CEP120: variants seen among roughly 807,000 people sequenced by gnomAD.
CEP120 encodes centrosomal protein of 120 kDa.
CEP120 carries 113 observed loss-of-function variants against 126.5 expected under a neutral mutation model. That is an observed-to-expected ratio of 0.89 (90% CI 0.77 to 1.04). CEP120 has a LOEUF of 1.04. Among genes scored for constraint, CEP120 ranks in the 50% least tolerant of loss-of-function variants. The probability of loss-of-function intolerance (pLI) is 0.00; values close to 1 mark genes in which losing one functional copy is unlikely to be tolerated. For missense variants in CEP120, 1,230 were observed against 1,155.7 expected, an observed-to-expected ratio of 1.06 and a Z score of -0.93; for synonymous variants, 400 against 394.3, an observed-to-expected ratio of 1.01 and a Z score of -0.17.
intron 3 of CEP120, among the ~76,000 whole-genome samples, chr5:123,413,006 C>T (rs991544871): frequency 2.6e-5 from 4 of 152,136 alleles, no homozygotes; most frequent in Admixed American, 1.3e-4. Flanking sequence ...GTGGCTCATG[C>T]CTGTAATCCC....
chr5:123,418,589 T>G (rs1774517822), intron 1 of CEP120, 74 bp from the exon 2 acceptor site: 5 of 1,336,916 alleles, frequency 3.7e-6, no homozygotes, highest in Non-Finnish European at 5.0e-6. Flanking sequence ...TGTGTTTTTT[T>G]GTTTGGCTGG....
chr5:123,414,971 CAAAAAAAAAAAAAAAAA>C (rs56756568), intron 3 of CEP120, among the ~76,000 whole-genome samples: 2 of 40,636 alleles, frequency 4.9e-5, no homozygotes, highest in Non-Finnish European at 7.8e-5. Flanking sequence ...GACTCCATCT[CAAAAAAAAAAAAAAAAA>C]AAAAAAAAAA....
chr5:123,363,889 C>A lies in CEP120; in HGVS notation c.2580+607G>T, dbSNP rs528372223. Among the ~76,000 whole-genome samples, 119 of 151,272 alleles carry A rather than the reference C, an allele frequency of 7.9e-4. 1 individual carries two copies. The highest frequency in any genetic ancestry group is 2.5e-4 in the Non-Finnish European group (17 of 67,542). On this transcript the variant is annotated intron_variant, in intron 18 of 19. Transcript: ENST00000306467. ...GATTTAGGTCAGTTAGGGTTAGATT[C>A]AAAATAAAAATCTTATTCATAATTT...
At position 123,406,588 on chromosome 5, in the gene CEP120, A is replaced by AG. The variant is rs1386618771; in HGVS notation, c.463+5810_463+5811insC. ...GAGTGAAGTATTTACAATGTTGAGA[A>AG]AAAAAAAAAAAACCACCACCCTAGA... is the stretch of plus-strand genomic sequence containing the variant. On this transcript the variant is annotated intron_variant, in intron 4 of 19. Coordinates refer to ENST00000306467, the MANE Select transcript of CEP120 (RefSeq NM_001375405.1). Among the ~76,000 whole-genome samples the AG allele has an allele frequency of 3.0e-5, 4 of 133,032 alleles. No homozygotes were observed. The East Asian group carries it at 9.6e-4, about 32-fold the overall frequency. 87.3% of individuals were successfully genotyped at this position (133,032 alleles called of 152,430 possible).
intron 16 of CEP120, 26 bp from the exon 17 acceptor site, chr5:123,372,798 T>C: frequency 6.4e-7 from 1 of 1,554,414 alleles, no homozygotes. Context: ...TTTAGCCATT[T>C]CAAAACAATG....
intron 4 of CEP120, among the ~76,000 whole-genome samples, chr5:123,408,913 A>C (rs1308692804): frequency 6.6e-6 from 1 of 152,228 alleles, no homozygotes; most frequent in Non-Finnish European, 1.5e-5. Context: ...TCAGTGTATA[A>C]AAAGAATAAT....
At chr5:123,377,920 C>T (rs1303675059) in intron 15 of CEP120, among the ~76,000 whole-genome samples, 2 of 152,104 alleles carry the variant, frequency 1.3e-5, no homozygotes, top group Non-Finnish European at 2.9e-5. Flanking sequence ...CAAATCTACA[C>T]TATTAAGTTT....
At chr5:123,350,205 G>A in intron 18 of CEP120, 116 bp from the exon 19 acceptor site, 2 of 870,390 alleles carry the variant, frequency 2.3e-6, no homozygotes, top group East Asian at 2.8e-5. Context: ...GCCACACACT[G>A]CCAATTCTTT....
intron 4 of CEP120, among the ~76,000 whole-genome samples, chr5:123,404,225 AT>A (rs923317459): frequency 5.9e-5 from 9 of 152,216 alleles, no homozygotes; most frequent in Admixed American, 4.6e-4. Flanking sequence ...AATTCTTAAA[AT>A]TTTTTTTCAC....
intron 17 of CEP120, among the ~76,000 whole-genome samples, chr5:123,372,024 G>A (rs1270914709): frequency 6.6e-6 from 1 of 152,044 alleles, no homozygotes; most frequent in Non-Finnish European, 1.5e-5. Context: ...CCTAGCACCT[G>A]AACATTGTTT....
Position 123,391,218 on chromosome 5 carries a change from G to A in CEP120, c.930C>T (p.Thr310=). The part of the protein sequence containing the change: ...QHPVTVEGAF[T]LDPPNRAKQK... The stretch of plus-strand genomic sequence containing the variant: ...GTTTGGCTCTGTTTGGAGGGTCAAG[G>A]GTAAAAGCACCTTCGACTGTGACTG... The change falls in exon 7 of 20, where the codon ACC becomes ACT. Residue 310 remains threonine (T), a synonymous_variant. Transcript: ENST00000306467. 1 of 1,614,102 alleles carries A rather than the reference G, an allele frequency of 6.2e-7. No individual in the cohort carries two copies. The highest frequency in any genetic ancestry group is 1.1e-5 in the South Asian group (1 of 91,064).
intron 5 of CEP120, among the ~76,000 whole-genome samples, chr5:123,397,703 T>G (rs1383991711): frequency 6.6e-6 from 1 of 152,250 alleles, no homozygotes; most frequent in Non-Finnish European, 1.5e-5. Flanking sequence ...CTTTACCTGA[T>G]GTACCTTGCA....
Position 123,382,780 on chromosome 5 carries a change from A to G in CEP120, c.1970T>C (p.Leu657Pro). 6.2e-7 allele frequency: 1 copy of G among 1,613,268 alleles called. No individual in the cohort carries two copies. The highest frequency in any genetic ancestry group is 8.5e-7 in the Non-Finnish European group (1 of 1,179,608). ...TTCTTGCATCTCCTTCCACATTTCT[A>G]GCTCAAGTGCTGCTTTGTATTCTAA... ...ETLEYKAALE[L>P]EMWKEMQEDI... Residue 657 changes from leucine (L) to proline (P), a missense_variant, in exon 13 of 20, where the codon CTA becomes CCA. Coordinates refer to ENST00000306467, the MANE Select transcript of CEP120 (RefSeq NM_001375405.1).
In CEP120 at chr5:123,423,348, T is replaced by C. The variant is rs1176896641; in HGVS notation, c.-350A>G. On this transcript the variant is annotated 5_prime_UTR_variant, in exon 1 of 20. Coordinates refer to ENST00000306467, the MANE Select transcript of CEP120 (RefSeq NM_001375405.1). ...CGCAGCGGCCGCCGCCGCGCCCAGCTTCCGCCTAGCAACCAGGCCCGCAGG... is the reference window on the plus strand; with the variant it reads ...CGCAGCGGCCGCCGCCGCGCCCAGCCTCCGCCTAGCAACCAGGCCCGCAGG... 2.9e-6 allele frequency: 1 copy of C among 341,222 alleles called. No homozygotes were observed. The highest frequency in any genetic ancestry group is 2.2e-5 in the African/African-American group (1 of 45,010). 21.1% of individuals were successfully genotyped at this position (341,222 alleles called of 1,614,324 possible). A position where few individuals can be genotyped will look rare whatever the true frequency, so the allele number is the denominator to read the frequency against.
chr5:123,399,083 T>C, intron 5 of CEP120, 53 bp downstream of exon 5: 1 of 1,384,534 alleles, frequency 7.2e-7, no homozygotes, highest in Non-Finnish European at 9.6e-7. Flanking sequence ...GGTAAAATGT[T>C]TTACATAGTT....
At chr5:123,360,522 G>A (rs1003621403) in intron 18 of CEP120, among the ~76,000 whole-genome samples, 1 of 151,808 alleles carries the variant, frequency 6.6e-6, no homozygotes, top group African/African-American at 2.4e-5. Flanking sequence ...CTTTCATGGA[G>A]TATAAGTTTC....
In CEP120 at chr5:123,418,527, G is replaced by A. The variant is rs755652817; in HGVS notation, c.50-12C>T. On this transcript the variant is annotated splice_polypyrimidine_tract_variant and intron_variant, in intron 1 of 19. Coordinates refer to ENST00000306467, the MANE Select transcript of CEP120 (RefSeq NM_001375405.1). ...GGGGAAATGCCGACCTGGAGAAACA[G>A]AATATATAGATTAATCAAAAGTGTA... 15 of 1,572,592 alleles carry A rather than the reference G, an allele frequency of 9.5e-6. No homozygotes were observed. In the Admixed American group the frequency reaches 1.8e-4, roughly 19 times the overall value.
chr5:123,406,052 C>T (rs11948639), intron 4 of CEP120, among the ~76,000 whole-genome samples: 60,537 of 151,686 alleles, frequency 0.4, 12,204 homozygotes, highest in East Asian at 0.47. Flanking sequence ...AATACTAAAA[C>T]AGAAATGAAT....
chr5:123,394,742 T>A (rs1314993862), intron 5 of CEP120, among the ~76,000 whole-genome samples: 1 of 152,240 alleles, frequency 6.6e-6, no homozygotes, highest in East Asian at 1.9e-4. Context: ...AATGTATTCA[T>A]GTTTAAGTGA....
Sources: gnomAD v4.1 joint callset for allele counts (sites outside exome capture counted in the v4.1 genomes callset) on GRCh38, gnomAD v4.1.1 for gene constraint, MANE v1.5 for transcripts, NCBI Gene and HGNC (gene_info 2026-07-23, HGNC 2026-07-21) for gene names.